The following CHD8 variants were observed in gnomAD, a reference collection of about 807,000 sequenced individuals.
The protein encoded by CHD8 is chromodomain helicase DNA binding protein 8.
A neutral mutation model predicts 279.2 loss-of-function variants in CHD8; 31 were observed. The observed-to-expected ratio is 0.11, with a 90% confidence interval of 0.08 to 0.15. The LOEUF (loss-of-function observed/expected upper bound fraction) is 0.15. CHD8 is among the 10% of genes least tolerant of loss of function. The pLI, the probability that CHD8 is intolerant of heterozygous loss-of-function variation, is 1.00. For synonymous variants in CHD8, 1,081 were observed against 1,139.6 expected (o/e 0.95, Z 1.04); for missense variants, 2,146 against 3,230.5 (o/e 0.66, Z 8.14).
At chr14:21,418,670 G>A (rs1011989624) in intron 5 of CHD8, among the ~76,000 whole-genome samples, 6 of 152,124 alleles carry the variant, frequency 3.9e-5, no homozygotes, top group Non-Finnish European at 2.9e-5. Flanking sequence ...AAAAAAATTA[G>A]CTGGGCGTGG....
In CHD8 at chr14:21,400,401, G is replaced by C. The variant is rs184797253; in HGVS notation, c.4570+12C>G. 1 of 1,599,356 alleles carries C rather than the reference G, an allele frequency of 6.3e-7. No homozygotes were observed. Among genetic ancestry groups the C allele is most frequent in the East Asian group, 2.2e-5 (1 of 44,830 alleles). On this transcript the variant is annotated intron_variant, in intron 23 of 37. Coordinates refer to ENST00000646647, the MANE Select transcript of CHD8 (RefSeq NM_001170629.2). The surrounding 1 kb of genome is among the most constrained non-coding windows in gnomAD (Gnocchi z 4.2). ...CCTATAGAAAAACATAAAGTAAAGA[G>C]TTGATAATTACCTGAATGATTCTGC... is the stretch of plus-strand genomic sequence containing the variant.
At chr14:21,412,145 T>G (rs967266709) in intron 10 of CHD8, among the ~76,000 whole-genome samples, 22 of 151,672 alleles carry the variant, frequency 1.5e-4, no homozygotes, top group African/African-American at 5.3e-4. Flanking sequence ...ATCTGCTTTT[T>G]TGTTTGTTTG....
intron 1 of CHD8, chr14:21,437,120 C>T: frequency 1.1e-6 from 1 of 919,148 alleles, no homozygotes; most frequent in Non-Finnish European, 1.5e-6. Flanking sequence ...AAGCTGCAGG[C>T]CGAGAGGCCC....
chr14:21,431,259 G>A lies in CHD8; in HGVS notation c.385C>T (p.Leu129=). 6.3e-7 allele frequency: 1 copy of A among 1,594,476 alleles called. No homozygotes were observed. Among genetic ancestry groups the A allele is most frequent in the South Asian group, 1.1e-5 (1 of 90,112 alleles). The change falls in exon 2 of 38, where the codon CTG becomes TTG. Residue 129 remains leucine, a synonymous_variant. Coordinates refer to ENST00000646647, the MANE Select transcript of CHD8 (RefSeq NM_001170629.2). ...LLQVSKSQEI[L]SQGNPFMGVS... ...CCCATGAAAGGATTCCCTTGGCTCAGGATCTCCTGGCTCTTGGAGACTTGC... is the reference window on the plus strand; with the variant it reads ...CCCATGAAAGGATTCCCTTGGCTCAAGATCTCCTGGCTCTTGGAGACTTGC...
At chr14:21,439,484 T>C (rs565900406) in intron 1 of CHD8, among the ~76,000 whole-genome samples, 101 of 152,344 alleles carry the variant, frequency 6.6e-4, no homozygotes, top group Non-Finnish European at 1.3e-3. Context: ...TCTTAGTGTA[T>C]AGATGAGAAA....
chr14:21,415,941 A>C, intron 5 of CHD8, 34 bp from the exon 6 acceptor site: 1 of 1,569,580 alleles, frequency 6.4e-7, no homozygotes, highest in Non-Finnish European at 8.7e-7. Context: ...GTGACTAGTT[A>C]GGTCTCTCAC....
At chr14:21,450,441 C>T (rs1365634181) in intron 1 of CHD8, among the ~76,000 whole-genome samples, 2 of 152,088 alleles carry the variant, frequency 1.3e-5, no homozygotes. Flanking sequence ...GCAGGAAATT[C>T]CAAAGGTTTC....
chr14:21,418,940 G>A (rs764404198), intron 5 of CHD8, among the ~76,000 whole-genome samples: 3 of 152,250 alleles, frequency 2.0e-5, no homozygotes, highest in Admixed American at 2.0e-4. Context: ...CTACAAGGGA[G>A]TACAGGGGAA....
chr14:21,425,877 A>C (rs572462526), intron 5 of CHD8: 2 of 399,166 alleles, frequency 5.0e-6, no homozygotes, highest in Non-Finnish European at 8.9e-6. Flanking sequence ...CAGAGGGTGC[A>C]GTAAGCTGAG....
At chr14:21,421,549 G>A (rs1157184353) in intron 5 of CHD8, among the ~76,000 whole-genome samples, 1 of 151,892 alleles carries the variant, frequency 6.6e-6, no homozygotes, top group Non-Finnish European at 1.5e-5. Flanking sequence ...AATTTCCTAG[G>A]TGCAGAATCA....
At chr14:21,410,131 CA>C in intron 10 of CHD8, 143 bp from the exon 11 acceptor site, 2 of 660,366 alleles carry the variant, frequency 3.0e-6, no homozygotes, top group South Asian at 5.8e-5. Flanking sequence ...ACACATCGAC[CA>C]AAAGTTCACC....
At position 21,402,531 on chromosome 14, in the gene CHD8, G is replaced by A; in HGVS notation, c.3715-28C>T. The stretch of plus-strand genomic sequence containing the variant: ...GGTTTAAAATAAAAACGAAAGGAAA[G>A]GAGAAAGATATCATAAAATTAGCAA... On this transcript the variant is annotated intron_variant, in intron 18 of 37. Transcript: ENST00000646647. The surrounding 1 kb of genome is among the most constrained non-coding windows in gnomAD (Gnocchi z 4.5). The A allele has an allele frequency of 1.9e-6, 3 of 1,549,240 alleles. No individual in the cohort carries two copies. Among genetic ancestry groups the A allele is most frequent in the Non-Finnish European group, 2.6e-6 (3 of 1,149,154 alleles).
At position 21,443,157 on chromosome 14, in the gene CHD8, C is replaced by T. The variant is rs565683791; in HGVS notation, c.-215-11299G>A. Among the ~76,000 whole-genome samples the T allele has an allele frequency of 5.3e-5, 8 of 152,060 alleles. No individual in the cohort carries two copies. In the South Asian group the frequency reaches 6.2e-4, roughly 12 times the overall value. On this transcript the variant is annotated intron_variant, in intron 1 of 37. Transcript: ENST00000646647. ...CTGTAATCCCAGCACTTTGGGAGGCCGAGGCGGGAGGATCACCAGGTCAGG... is the reference window on the plus strand; with the variant it reads ...CTGTAATCCCAGCACTTTGGGAGGCTGAGGCGGGAGGATCACCAGGTCAGG...
At chr14:21,426,101 T>C (rs1889304670) in intron 5 of CHD8, 27 bp downstream of exon 5, 2 of 1,334,398 alleles carry the variant, frequency 1.5e-6, no homozygotes, top group African/African-American at 1.4e-5. Context: ...TGGTTTTTTC[T>C]ACTAAATTCT....
At position 21,394,199 on chromosome 14, in the gene CHD8, C is replaced by T. The variant is rs774204549; in HGVS notation, c.5600-4G>A. 3.7e-6 allele frequency: 6 copies of T among 1,607,600 alleles called. No individual in the cohort carries two copies. In the Admixed American group the frequency reaches 1.0e-4, roughly 27 times the overall value. On this transcript the variant is annotated splice_region_variant and splice_polypyrimidine_tract_variant and intron_variant, in intron 31 of 37. Coordinates refer to ENST00000646647, the MANE Select transcript of CHD8 (RefSeq NM_001170629.2). The stretch of plus-strand genomic sequence containing the variant: ...AACAGGTTAGGGTCGGGGGGTTCTG[C>T]AAGAGACAGGAGTAGAAGAAATTAA...
At position 21,431,625 on chromosome 14, in the gene CHD8, C is replaced by A; in HGVS notation, c.19G>T (p.Asp7Tyr). MADPIM[D>Y]LFDDPNLFGL... ...AATAAATTTGGGTCATCGAACAGAT[C>A]CATGATGGGGTCTGCCATCTTGGGA... The change falls in exon 2 of 38, where the codon GAT (aspartate) becomes TAT (tyrosine). Residue 7 changes from aspartate to tyrosine, a missense_variant. Physicochemically the swap from Asp to Tyr is radical, Grantham distance 160 (BLOSUM62 -3). Coordinates refer to ENST00000646647, the MANE Select transcript of CHD8 (RefSeq NM_001170629.2). 4.5e-6 allele frequency: 7 copies of A among 1,539,958 alleles called. No individual in the cohort carries two copies. The highest frequency in any genetic ancestry group is 6.1e-6 in the Non-Finnish European group (7 of 1,147,404).
Position 21,390,945 on chromosome 14 carries a change from A to AC in CHD8, c.7182+1dup, listed in dbSNP as rs1887508429. 1 of 1,515,324 alleles carries AC rather than the reference A, an allele frequency of 6.6e-7. No homozygotes were observed. The highest frequency in any genetic ancestry group is 9.1e-7 in the Non-Finnish European group (1 of 1,098,626). The allele number at this position is 1,515,324 out of a possible 1,614,324, so 93.9% of individuals were successfully genotyped here. The stretch of plus-strand genomic sequence containing the variant: ...GAGTGGTAATGCTGCAATTTCTCTC[A>AC]CCTTTTTCCCATTTCTAGAGTTAGC... On this transcript the variant is annotated splice_donor_variant, in intron 37 of 37. Transcript: ENST00000646647. LOFTEE classifies it high-confidence loss of function.
At chr14:21,451,029 T>C (rs997204933) in intron 1 of CHD8, among the ~76,000 whole-genome samples, 12 of 152,180 alleles carry the variant, frequency 7.9e-5, no homozygotes, top group African/African-American at 2.9e-4. Context: ...TAAATATCTA[T>C]GAAATATTAA....
rs751094013 is a variant in CHD8, at chr14:21,391,016, A to AT, written c.7112dup (p.Asn2371LysfsTer2). 12 of 1,601,992 alleles carry AT rather than the reference A, an allele frequency of 7.5e-6. No homozygotes were observed. Among genetic ancestry groups the AT allele is most frequent in the Admixed American group, 1.7e-5 (1 of 58,408 alleles). ...CCAAACAGTTCAATTCTGCCTTATT[A>AT]TTTTTTTTACATCTTTGCCACTTCT... is the stretch of plus-strand genomic sequence containing the variant. On this transcript the variant is annotated frameshift_variant, in exon 37 of 38. Transcript: ENST00000646647. LOFTEE classifies it high-confidence loss of function.
Sources: allele counts gnomAD v4.1 joint callset (sites outside exome capture counted in the v4.1 genomes callset), GRCh38; gene constraint gnomAD v4.1.1; non-coding constraint Gnocchi (gnomAD v3.1); transcripts MANE v1.5; gene names NCBI Gene and HGNC (gene_info 2026-07-23, HGNC 2026-07-21).